CD99L2: variants seen among roughly 807,000 people sequenced by gnomAD.
The protein encoded by CD99L2 is CD99 molecule like 2.
In CD99L2, 24 loss-of-function variants were observed where a neutral mutation model predicts 27.3. The observed-to-expected ratio is 0.88, with a 90% CI of 0.64 to 1.24. The LOEUF (loss-of-function observed/expected upper bound fraction) is 1.24, where lower values mean the gene tolerates loss of function less well. Among genes scored for constraint, CD99L2 ranks in the 50% most tolerant of loss-of-function variants. The probability of loss-of-function intolerance (pLI) is 0.00; values close to 1 mark genes in which losing one functional copy is unlikely to be tolerated. For synonymous variants in CD99L2, 97 were observed against 87.9 expected, an observed-to-expected ratio of 1.10 and a Z score of -0.58; for missense variants, 255 against 221.6, an observed-to-expected ratio of 1.15 and a Z score of -0.96.
chrX:150,864,049 C>T (rs1412936346), intron 1 of CD99L2, among the ~76,000 whole-genome samples: 1 of 112,060 alleles, frequency 8.9e-6, no homozygotes, highest in East Asian at 2.8e-4. Flanking sequence ...TTGTTTTCAG[C>T]CACCCAGTTT....
intron 1 of CD99L2, among the ~76,000 whole-genome samples, chrX:150,886,552 A>ACATTGTGT (rs1313825866): frequency 7.9e-4 from 89 of 112,852 alleles, no homozygotes; most frequent in Middle Eastern, 4.6e-3. Flanking sequence ...TCACACAATG[A>ACATTGTGT]GATCACATGA....
At chrX:150,824,128 G>GA (rs2046289159) in intron 2 of CD99L2, among the ~76,000 whole-genome samples, 1 of 49,651 alleles carries the variant, frequency 2.0e-5, no homozygotes. Flanking sequence ...AAGGAAGGAG[G>GA]AGGAGGAGGA....
intron 4 of CD99L2, among the ~76,000 whole-genome samples, chrX:150,802,605 A>G (rs1447772149): frequency 2.4e-3 from 224 of 95,174 alleles, no homozygotes; most frequent in African/African-American, 7.3e-3. Context: ...TTTTTGAGAC[A>G]GAGTCTCGCT....
rs782333980 is a variant in CD99L2, at chrX:150,824,372, A to G, written c.130+6859T>C. 9.8e-5 allele frequency among the ~76,000 whole-genome samples: 9 copies of G among 92,168 alleles called. No individual in the cohort carries two copies. The East Asian group carries it at 2.8e-3, about 29-fold the overall frequency. 80.0% of individuals were successfully genotyped at this position (92,168 alleles called of 115,157 possible). A position where few individuals can be genotyped will look rare whatever the true frequency, so the allele number is the denominator to read the frequency against. On this transcript the variant is annotated intron_variant, in intron 2 of 10. Transcript: ENST00000370377. ...GGAAGAAGGAAGAAGGAAGAAGAAG[A>G]AGAAGAAGAAAGAAGAAGAAGAAGA...
intron 6 of CD99L2, among the ~76,000 whole-genome samples, chrX:150,794,586 G>A (rs967470953): frequency 2.7e-5 from 3 of 112,551 alleles, no homozygotes; most frequent in Non-Finnish European, 1.9e-5. Flanking sequence ...ACTGATAAGA[G>A]TTTCACACTC....
chrX:150,835,398 T>C (rs1245827300), intron 1 of CD99L2, among the ~76,000 whole-genome samples: 1 of 111,586 alleles, frequency 9.0e-6, no homozygotes, highest in Non-Finnish European at 1.9e-5. Flanking sequence ...GGCATGGTGG[T>C]GCACGCCTGT....
chrX:150,872,706 T>C lies in CD99L2; in HGVS notation c.67+25816A>G, dbSNP rs145829208. ...ACTACTGAAGAACACAAAAGAAGAC[T>C]TGAGCAAATGAAAAGACACACTAGG... is the stretch of plus-strand genomic sequence containing the variant. On this transcript the variant is annotated intron_variant, in intron 1 of 10. Transcript: ENST00000370377. Among the ~76,000 whole-genome samples the C allele has an allele frequency of 9.0e-3, 979 of 108,982 alleles. 14 individuals carry two copies. Among genetic ancestry groups the C allele is most frequent in the African/African-American group, 0.031 (934 of 29,979 alleles). The allele number at this position is 108,982 out of a possible 115,157, so 94.6% of individuals were successfully genotyped here. A position where few individuals can be genotyped will look rare whatever the true frequency, so the allele number is the denominator to read the frequency against.
intron 1 of CD99L2, among the ~76,000 whole-genome samples, chrX:150,851,474 T>C (rs1250549986): frequency 1.8e-5 from 2 of 111,821 alleles, no homozygotes; most frequent in African/African-American, 6.5e-5. Context: ...GCTGGACAGG[T>C]CTGATTCCCC....
chrX:150,878,832 A>G (rs1333286151), intron 1 of CD99L2, among the ~76,000 whole-genome samples: 3 of 112,202 alleles, frequency 2.7e-5, no homozygotes, highest in African/African-American at 6.5e-5. Context: ...TTAACTGTTT[A>G]CATTCAATGC....
intron 9 of CD99L2, among the ~76,000 whole-genome samples, chrX:150,770,628 T>C (rs781897250): frequency 8.9e-6 from 1 of 112,913 alleles, no homozygotes; most frequent in African/African-American, 3.2e-5. Context: ...CGGCACTCCA[T>C]CCTCATAGGG....
intron 1 of CD99L2, among the ~76,000 whole-genome samples, chrX:150,895,339 A>G (rs939826660): frequency 1.8e-5 from 2 of 111,823 alleles, no homozygotes; most frequent in Non-Finnish European, 3.8e-5. Flanking sequence ...GAACTAGTAA[A>G]ATACACAGCA....
chrX:150,771,800 G>A (rs928259273), intron 9 of CD99L2: 24 of 1,153,953 alleles, frequency 2.1e-5, no homozygotes, highest in African/African-American at 3.6e-5. Context: ...GCAAAGCAGC[G>A]TTACCTTGAC....
intron 2 of CD99L2, among the ~76,000 whole-genome samples, chrX:150,829,968 G>A (rs2124233168): frequency 9.1e-6 from 1 of 110,235 alleles, no homozygotes; most frequent in South Asian, 3.9e-4. Context: ...ACCAGCCTGG[G>A]CAACACGGTG....
At chrX:150,778,860 C>A (rs782204420) in intron 7 of CD99L2, among the ~76,000 whole-genome samples, 1 of 106,974 alleles carries the variant, frequency 9.3e-6, no homozygotes, top group South Asian at 4.1e-4. Context: ...AAAAAAAAAA[C>A]AAAAAAATAC....
intron 4 of CD99L2, among the ~76,000 whole-genome samples, chrX:150,809,381 T>C (rs1282480993): frequency 8.9e-6 from 1 of 112,180 alleles, no homozygotes; most frequent in Non-Finnish European, 1.9e-5. Context: ...GTAGGACCCA[T>C]ACTCCTGACC....
chrX:150,785,374 C>T (rs939717307), intron 7 of CD99L2, among the ~76,000 whole-genome samples: 2 of 112,021 alleles, frequency 1.8e-5, no homozygotes, highest in Non-Finnish European at 3.8e-5. Flanking sequence ...GCATCATTCA[C>T]TTTATCACGT....
At chrX:150,835,007 T>C (rs1243026145) in intron 1 of CD99L2, among the ~76,000 whole-genome samples, 3 of 112,184 alleles carry the variant, frequency 2.7e-5, no homozygotes, top group Non-Finnish European at 5.6e-5. Context: ...AAATATTGTA[T>C]GATCTCACTT....
intron 1 of CD99L2, among the ~76,000 whole-genome samples, chrX:150,888,559 T>C (rs1245494311): frequency 1.8e-5 from 2 of 112,374 alleles, no homozygotes; most frequent in Non-Finnish European, 3.8e-5. Flanking sequence ...AAAAAAAGTA[T>C]TTAATGCCAC....
At chrX:150,828,687 G>A (rs181807066) in intron 2 of CD99L2, 1 of 111,502 alleles carries the variant, frequency 9.0e-6, no homozygotes, top group African/African-American at 3.2e-5. Flanking sequence ...TGCATAATAA[G>A]CAATGAGATA....
Sources: allele counts gnomAD v4.1 joint callset (sites outside exome capture counted in the v4.1 genomes callset), GRCh38; gene constraint gnomAD v4.1.1; transcripts MANE v1.5; gene names NCBI Gene and HGNC (gene_info 2026-07-23, HGNC 2026-07-21).